Variants in KIAA1671 observed in about 807,000 individuals in gnomAD.
The protein encoded by KIAA1671 is uncharacterized protein KIAA1671.
Under a neutral mutation model 131.2 loss-of-function variants are expected in KIAA1671, and 52 were observed. The ratio of observed to expected loss-of-function variants is 0.40; its 90% CI spans 0.32 to 0.50. The LOEUF is 0.50. KIAA1671 is among the 20% of genes least tolerant of loss of function. KIAA1671 has a pLI of 0.73. For synonymous variants in KIAA1671, 1,003 were observed against 961.6 expected, an observed-to-expected ratio of 1.04 and a Z score of -0.80; for missense variants, 2,360 against 2,364.2, an observed-to-expected ratio of 1.00 and a Z score of 0.04.
chr22:25,164,412 A>G (rs1036843851), intron 6 of KIAA1671, among the ~76,000 whole-genome samples: 30 of 152,364 alleles, frequency 2.0e-4, no homozygotes, highest in African/African-American at 7.2e-4. Flanking sequence ...ACATTACAGT[A>G]TTCAGTCAAC....
At chr22:25,188,693 G>T (rs1027703115) in intron 11 of KIAA1671, among the ~76,000 whole-genome samples, 1 of 152,102 alleles carries the variant, frequency 6.6e-6, no homozygotes, top group East Asian at 1.9e-4. Flanking sequence ...TAAGCTAGAG[G>T]AAAGATGTTA....
intron 6 of KIAA1671, among the ~76,000 whole-genome samples, chr22:25,098,322 C>T (rs1471079848): frequency 1.3e-5 from 2 of 152,128 alleles, no homozygotes; most frequent in African/African-American, 4.8e-5. Context: ...CTTTCGTTCC[C>T]TTCTTTACTT....
At chr22:25,159,521 T>C (rs1444629732) in intron 6 of KIAA1671, among the ~76,000 whole-genome samples, 2 of 152,152 alleles carry the variant, frequency 1.3e-5, no homozygotes, top group African/African-American at 4.8e-5. Flanking sequence ...TAGCACCTTG[T>C]CATGATGTTT....
chr22:24,966,937 CAG>C (rs1279867739), intron 1 of KIAA1671, among the ~76,000 whole-genome samples: 3 of 152,190 alleles, frequency 2.0e-5, no homozygotes, highest in Non-Finnish European at 2.9e-5. Context: ...GCCTGGGTGA[CAG>C]AGCAAGAGCC....
rs190589119 is a variant in KIAA1671, at chr22:24,955,450, A to G, written c.-208+2678A>G. Among the ~76,000 whole-genome samples the G allele has an allele frequency of 4.4e-3, 672 of 152,260 alleles. 4 individuals carry two copies. The highest frequency in any genetic ancestry group is 0.015 in the African/African-American group (642 of 41,552). On this transcript the variant is annotated intron_variant, in intron 1 of 12. Transcript: ENST00000358431. ...TTAGTTTTCTCGACAGCCAGTGGGAAGAGGTTGGTGTTATGGGCTGCAGAA... is the reference window on the plus strand; with the variant it reads ...TTAGTTTTCTCGACAGCCAGTGGGAGGAGGTTGGTGTTATGGGCTGCAGAA...
In KIAA1671 at chr22:24,996,969, T is replaced by C. The variant is rs1924173008; in HGVS notation, c.-207-28664T>C. On this transcript the variant is annotated intron_variant, in intron 1 of 12. Transcript: ENST00000358431. Reference sequence around the variant, plus strand: ...TTGGCTGTGTGACCTTAGGCAAGCCTCTCGGGGCCGAATTTTACCTTCTGT... The same window carrying C: ...TTGGCTGTGTGACCTTAGGCAAGCCCCTCGGGGCCGAATTTTACCTTCTGT... Among the ~76,000 whole-genome samples, 3 of 152,246 alleles carry C rather than the reference T, an allele frequency of 2.0e-5. No homozygotes were observed. In the South Asian group the frequency reaches 6.2e-4, roughly 32 times the overall value.
chr22:25,148,000 C>G (rs1932918095), intron 6 of KIAA1671, among the ~76,000 whole-genome samples: 1 of 68,394 alleles, frequency 1.5e-5, no homozygotes, highest in Non-Finnish European at 2.8e-5. Context: ...CCCTCCCTAC[C>G]TCACTCTCTC....
intron 1 of KIAA1671, among the ~76,000 whole-genome samples, chr22:24,962,168 G>C (rs372553896): frequency 2.0e-5 from 3 of 152,192 alleles, no homozygotes; most frequent in Non-Finnish European, 2.9e-5. Flanking sequence ...AGCCAGTAGA[G>C]TGAGAGAACG....
At chr22:25,059,732 C>T (rs916770120) in intron 6 of KIAA1671, 13 of 152,092 alleles carry the variant, frequency 8.5e-5, no homozygotes, top group African/African-American at 2.9e-4. Context: ...TGCACAAGGC[C>T]GGGAGGCTGG....
chr22:25,005,263 G>A (rs1424852947), intron 1 of KIAA1671, among the ~76,000 whole-genome samples: 4 of 149,940 alleles, frequency 2.7e-5, no homozygotes, highest in East Asian at 2.0e-4. Context: ...CAGCAGAATC[G>A]CTTGAACCCG....
At chr22:25,035,699 C>T (rs1323843666) in intron 4 of KIAA1671, among the ~76,000 whole-genome samples, 1 of 152,058 alleles carries the variant, frequency 6.6e-6, no homozygotes, top group Non-Finnish European at 1.5e-5. Context: ...GGCAAAAAGG[C>T]TGTGTGTGGC....
intron 4 of KIAA1671, among the ~76,000 whole-genome samples, chr22:25,034,951 A>G (rs1926507789): frequency 6.8e-6 from 1 of 147,720 alleles, no homozygotes; most frequent in Non-Finnish European, 1.5e-5. Context: ...GTTAGCCAGG[A>G]TGGTCTCCAT....
chr22:25,129,324 TG>T (rs763836319), intron 6 of KIAA1671, among the ~76,000 whole-genome samples: 5 of 151,872 alleles, frequency 3.3e-5, no homozygotes, highest in Non-Finnish European at 5.9e-5. Context: ...CTGGCCAACA[TG>T]GTGAAACCCC....
At chr22:25,184,955 C>T (rs1386218456) in intron 10 of KIAA1671, 22 bp from the exon 11 acceptor site, 1 of 1,550,784 alleles carries the variant, frequency 6.4e-7, no homozygotes. Flanking sequence ...AGCTTATAGA[C>T]TCAGCTCTCT....
Position 25,174,385 on chromosome 22 carries a change from G to A in KIAA1671, c.4795G>A (p.Val1599Met), listed in dbSNP as rs184873392. The A allele has an allele frequency of 3.5e-4, 549 of 1,552,062 alleles. 5 individuals are homozygous for A. The South Asian group carries it at 5.5e-3, about 16-fold the overall frequency. ...CTCCAGGGACCAGCGGAGCACCAGC[G>A]TGGACCACTCCAGCACTGACCTGGA... ...DCSRDQRSTSVDHSSTDLEST... is the reference protein window; with the variant it reads ...DCSRDQRSTSMDHSSTDLEST... The change falls in exon 8 of 13, where the codon GTG (valine) becomes ATG (methionine). Residue 1599 changes from valine (V) to methionine (M), a missense_variant. This residue lies in a region of KIAA1671 where 1,161 missense variants were observed against 1,204.7 expected (regional missense o/e 0.96). Transcript: ENST00000358431.
intron 1 of KIAA1671, among the ~76,000 whole-genome samples, chr22:24,957,350 G>A (rs1041359488): frequency 3.3e-5 from 5 of 152,196 alleles, no homozygotes; most frequent in African/African-American, 1.2e-4. Flanking sequence ...CAGAATTCAG[G>A]ATGTGCTGAA....
intron 6 of KIAA1671, chr22:25,059,481 CAA>C (rs5844619): frequency 2.0e-3 from 198 of 99,076 alleles, no homozygotes; most frequent in African/African-American, 3.8e-3. Flanking sequence ...GACTCCATCT[CAA>C]AAAAAAAAAA....
chr22:25,125,946 C>T (rs1448576197), intron 6 of KIAA1671, among the ~76,000 whole-genome samples: 1 of 152,234 alleles, frequency 6.6e-6, no homozygotes, highest in Non-Finnish European at 1.5e-5. Flanking sequence ...AGTCTGTCTG[C>T]TCTGATAAAG....
At chr22:25,154,045 G>A (rs1377122990) in intron 6 of KIAA1671, among the ~76,000 whole-genome samples, 1 of 152,232 alleles carries the variant, frequency 6.6e-6, no homozygotes, top group Non-Finnish European at 1.5e-5. Context: ...GTATCAGGGA[G>A]GAGGACAGTC....
Sources: allele counts gnomAD v4.1 joint callset (sites outside exome capture counted in the v4.1 genomes callset), GRCh38; gene constraint gnomAD v4.1.1; regional missense constraint gnomAD v4.1.1; transcripts MANE v1.5; gene names NCBI Gene and HGNC (gene_info 2026-07-23, HGNC 2026-07-21).